The following ROBO1 variants were observed in gnomAD, a reference collection of about 807,000 sequenced individuals.
ROBO1 encodes roundabout guidance receptor 1.
Under a neutral mutation model 195.9 loss-of-function variants are expected in ROBO1, and 149 were observed. That is an observed-to-expected ratio of 0.76 (90% CI 0.67 to 0.87). ROBO1 has a LOEUF of 0.87. Among genes scored for constraint, ROBO1 ranks in the 40% least tolerant of loss-of-function variants. The pLI, the probability that ROBO1 is intolerant of heterozygous loss-of-function variation, is 0.00. For synonymous variants in ROBO1, 816 were observed against 733.2 expected, an observed-to-expected ratio of 1.11 and a Z score of -1.82; for missense variants, 1,933 against 2,068.3, an observed-to-expected ratio of 0.93 and a Z score of 1.27.
At chr3:79,254,492 A>G (rs2082792163) in intron 2 of ROBO1, among the ~76,000 whole-genome samples, 1 of 152,096 alleles carries the variant, frequency 6.6e-6, no homozygotes, top group Non-Finnish European at 1.5e-5. Context: ...ACTCACACAC[A>G]TACACACACA....
intron 8 of ROBO1, among the ~76,000 whole-genome samples, chr3:78,691,172 TTCTA>T (rs754105204): frequency 5.0e-4 from 76 of 152,246 alleles, no homozygotes; most frequent in Admixed American, 9.8e-4. Flanking sequence ...CTAAATATGC[TTCTA>T]TCTATCAATC....
chr3:78,626,640 A>G (rs1704799428), intron 26 of ROBO1, among the ~76,000 whole-genome samples: 1 of 152,182 alleles, frequency 6.6e-6, no homozygotes, highest in Admixed American at 6.6e-5. Context: ...TGGTGCAGGA[A>G]CAGCTTTTAT....
intron 2 of ROBO1, among the ~76,000 whole-genome samples, chr3:79,462,513 T>A (rs969566746): frequency 3.3e-5 from 5 of 152,240 alleles, no homozygotes; most frequent in Admixed American, 1.3e-4. Flanking sequence ...ATGTGTAACC[T>A]TTTAAAAGAC....
intron 2 of ROBO1, among the ~76,000 whole-genome samples, chr3:79,478,241 T>A (rs9840688): frequency 0.67 from 101,490 of 151,944 alleles, 35,387 homozygotes; most frequent in African/African-American, 0.89. Context: ...CAAACGATCG[T>A]CTTGGAGTAT....
At chr3:78,723,802 A>C (rs906791104) in intron 5 of ROBO1, among the ~76,000 whole-genome samples, 8 of 152,176 alleles carry the variant, frequency 5.3e-5, no homozygotes, top group Non-Finnish European at 1.2e-4. Flanking sequence ...GCTCTGGACT[A>C]AGAATAAATG....
chr3:79,121,776 C>G (rs557487040), intron 3 of ROBO1, among the ~76,000 whole-genome samples: 1 of 151,940 alleles, frequency 6.6e-6, no homozygotes, highest in African/African-American at 2.4e-5. Flanking sequence ...TTAGACATTT[C>G]AAGTCAAATT....
chr3:79,117,117 A>G (rs1303563861), intron 3 of ROBO1, among the ~76,000 whole-genome samples: 1 of 152,072 alleles, frequency 6.6e-6, no homozygotes. Flanking sequence ...AAGTAATCCC[A>G]GCATTTTGGG....
chr3:79,106,420 A>G (rs983795698), intron 3 of ROBO1, among the ~76,000 whole-genome samples: 1 of 151,654 alleles, frequency 6.6e-6, no homozygotes, highest in African/African-American at 2.4e-5. Flanking sequence ...CTTTCAGAAC[A>G]TAACATTGCC....
rs532234759 is a variant in ROBO1 at position 79,115,057 on chromosome 3, T to C, written c.172+10399A>G. On this transcript the variant is annotated intron_variant, in intron 3 of 30. Transcript: ENST00000464233. Reference sequence around the variant, plus strand: ...TAATCTTCCTTTGAAATCCATCTTCTATCTTGTGACTTGGGTCTAGGAATG... The same window carrying C: ...TAATCTTCCTTTGAAATCCATCTTCCATCTTGTGACTTGGGTCTAGGAATG... Among the ~76,000 whole-genome samples the C allele has an allele frequency of 1.6e-4, 25 of 152,328 alleles. 1 individual carries two copies. In the Middle Eastern group the frequency reaches 0.017, roughly 104 times the overall value.
intron 5 of ROBO1, among the ~76,000 whole-genome samples, chr3:78,722,125 T>C (rs1207708127): frequency 1.3e-5 from 2 of 152,188 alleles, no homozygotes; most frequent in East Asian, 1.9e-4. Flanking sequence ...AAAAAAATTG[T>C]ATAACTGAAT....
At chr3:78,652,054 TCAC>T in intron 18 of ROBO1, 125 bp from the exon 19 acceptor site, 1 of 730,030 alleles carries the variant, frequency 1.4e-6, no homozygotes, top group East Asian at 2.6e-5. Flanking sequence ...CTCACACCAC[TCAC>T]CATCATCAAA....
chr3:79,191,063 A>G (rs1373725624), intron 2 of ROBO1, among the ~76,000 whole-genome samples: 2 of 151,614 alleles, frequency 1.3e-5, no homozygotes, highest in African/African-American at 2.4e-5. Flanking sequence ...TGCTGATAAT[A>G]ATTTTAAAAT....
intron 3 of ROBO1, among the ~76,000 whole-genome samples, chr3:78,980,749 A>G (rs1439741518): frequency 6.6e-6 from 1 of 152,160 alleles, no homozygotes; most frequent in African/African-American, 2.4e-5. Flanking sequence ...GCTTTGGTAT[A>G]TGTAATTCTA....
chr3:78,888,845 C>T (rs2107342977), intron 4 of ROBO1, among the ~76,000 whole-genome samples: 1 of 152,240 alleles, frequency 6.6e-6, no homozygotes, highest in East Asian at 1.9e-4. Context: ...TGTAAAATAG[C>T]TAGCTATTAC....
intron 5 of ROBO1, among the ~76,000 whole-genome samples, chr3:78,727,993 C>A (rs2082203922): frequency 6.6e-6 from 1 of 151,848 alleles, no homozygotes; most frequent in Non-Finnish European, 1.5e-5. Flanking sequence ...ATTTAAATAT[C>A]AAAGCAAATA....
chr3:79,050,884 A>G (rs1318006989), intron 3 of ROBO1, among the ~76,000 whole-genome samples: 1 of 152,338 alleles, frequency 6.6e-6, no homozygotes, highest in Non-Finnish European at 1.5e-5. Context: ...ACAACATACC[A>G]GAATCTCAGG....
chr3:79,221,128 C>A (rs183231823), intron 2 of ROBO1, among the ~76,000 whole-genome samples: 8 of 152,016 alleles, frequency 5.3e-5, no homozygotes, highest in African/African-American at 1.7e-4. Context: ...CAAAAGACAC[C>A]CAATCATAGG....
intron 2 of ROBO1, among the ~76,000 whole-genome samples, chr3:79,516,409 A>G (rs1350296907): frequency 6.6e-6 from 1 of 152,058 alleles, no homozygotes; most frequent in Non-Finnish European, 1.5e-5. Context: ...ATATAATTTC[A>G]AAAGAGAATA....
chr3:78,685,799 G>T lies in ROBO1; in HGVS notation c.1289C>A (p.Thr430Asn), dbSNP rs762481170. ...GATGATGCTTCCAGCAACATTTAAAGTCTGGCAGATGTAATAACCAACATC... is the reference window on the plus strand; with the variant it reads ...GATGATGCTTCCAGCAACATTTAAATTCTGGCAGATGTAATAACCAACATC... Reference protein sequence around the residue: ...RSDVGYYICQTLNVAGSIITK... With the variant: ...RSDVGYYICQNLNVAGSIITK... Residue 430 changes from threonine to asparagine, a missense_variant, in exon 10 of 31, where the codon ACT becomes AAT. Around this residue, in one of 3 missense-constraint regions of ROBO1, gnomAD observed 1,737 missense variants for 1,882.5 expected, o/e 0.92. Coordinates refer to ENST00000464233, the MANE Select transcript of ROBO1 (RefSeq NM_002941.4). The T allele has an allele frequency of 6.2e-7, 1 of 1,612,326 alleles. No individual in the cohort carries two copies. Among genetic ancestry groups the T allele is most frequent in the Non-Finnish European group, 8.5e-7 (1 of 1,178,792 alleles).
Sources: allele counts gnomAD v4.1 joint callset (sites outside exome capture counted in the v4.1 genomes callset), GRCh38; gene constraint gnomAD v4.1.1; regional missense constraint gnomAD v4.1.1; transcripts MANE v1.5; gene names NCBI Gene and HGNC (gene_info 2026-07-23, HGNC 2026-07-21).